Variants in CSMD2 observed in about 807,000 individuals in gnomAD.
The protein encoded by CSMD2 is CUB and Sushi multiple domains 2.
A neutral mutation model predicts 398.5 loss-of-function variants in CSMD2; 130 were observed. That is an observed-to-expected ratio of 0.33 (90% CI 0.28 to 0.38). The LOEUF (loss-of-function observed/expected upper bound fraction) is 0.38, where lower values mean the gene tolerates loss of function less well. Ranked by LOEUF, CSMD2 falls within the 10% of genes least tolerant of loss-of-function variation. The pLI, the probability that CSMD2 is intolerant of heterozygous loss-of-function variation, is 1.00. For missense variants in CSMD2, 3,829 were observed against 4,764.9 expected (o/e 0.80, Z 5.78); for synonymous variants, 1,828 against 1,908.5 (o/e 0.96, Z 1.10).
intron 9 of CSMD2, among the ~76,000 whole-genome samples, chr1:33,818,582 C>A (rs902053233): frequency 6.6e-6 from 1 of 152,106 alleles, no homozygotes; most frequent in South Asian, 2.1e-4. Flanking sequence ...GACAAGAATT[C>A]TTTTTTGTTG....
chr1:33,880,395 G>T (rs898402235), intron 5 of CSMD2, among the ~76,000 whole-genome samples: 1 of 152,160 alleles, frequency 6.6e-6, no homozygotes, highest in African/African-American at 2.4e-5. Context: ...TATCTGAATG[G>T]ATACATTTCC....
chr1:33,617,351 A>T, intron 38 of CSMD2, 148 bp downstream of exon 38: 1 of 632,062 alleles, frequency 1.6e-6, no homozygotes. Flanking sequence ...TATCTTTTGC[A>T]TGAACAGCTC....
chr1:33,589,508 A>C (rs766886070), intron 44 of CSMD2, among the ~76,000 whole-genome samples: 1 of 152,250 alleles, frequency 6.6e-6, no homozygotes, highest in Non-Finnish European at 1.5e-5. Context: ...TTGGCATTTG[A>C]TAACTAATTA....
intron 3 of CSMD2, among the ~76,000 whole-genome samples, chr1:33,952,498 C>T (rs1645037177): frequency 6.6e-6 from 1 of 152,150 alleles, no homozygotes. Context: ...GAGAAGCCTA[C>T]CCTGACATTT....
chr1:33,709,370 T>G, intron 21 of CSMD2, 112 bp from the exon 22 acceptor site: 1 of 855,714 alleles, frequency 1.2e-6, no homozygotes, highest in Middle Eastern at 3.6e-4. Flanking sequence ...CCTGTCTACC[T>G]GCCAAGGTGC....
intron 21 of CSMD2, chr1:33,709,564 G>C: frequency 2.2e-6 from 1 of 457,282 alleles, no homozygotes; most frequent in Non-Finnish European, 3.8e-6. Flanking sequence ...GTGCTATAAA[G>C]CAGCCGTGCC....
At chr1:33,555,619 A>T (rs1657885268) in intron 55 of CSMD2, among the ~76,000 whole-genome samples, 4 of 152,226 alleles carry the variant, frequency 2.6e-5, no homozygotes, top group Admixed American at 2.6e-4. Flanking sequence ...AAATTGCCAC[A>T]GCCACACCAG....
intron 2 of CSMD2, among the ~76,000 whole-genome samples, chr1:34,039,200 T>A (rs549686071): frequency 6.6e-6 from 1 of 152,188 alleles, no homozygotes; most frequent in Admixed American, 6.5e-5. Context: ...CTCCCACCCC[T>A]GTGGAGGTCA....
At chr1:33,697,410 G>A (rs571577836) in intron 24 of CSMD2, among the ~76,000 whole-genome samples, 6 of 152,302 alleles carry the variant, frequency 3.9e-5, no homozygotes, top group Non-Finnish European at 7.3e-5. Flanking sequence ...GGCAAAGGGA[G>A]AGGAAGACCC....
At chr1:34,066,757 G>C (rs551689442) in intron 2 of CSMD2, among the ~76,000 whole-genome samples, 1 of 152,132 alleles carries the variant, frequency 6.6e-6, no homozygotes, top group African/African-American at 2.4e-5. Context: ...GCATCTGAGT[G>C]TCCTGGTCCT....
intron 15 of CSMD2, among the ~76,000 whole-genome samples, chr1:33,733,747 T>C (rs1646794792): frequency 6.6e-6 from 1 of 152,198 alleles, no homozygotes; most frequent in Admixed American, 6.5e-5. Context: ...GTGAAGAAGG[T>C]GCCTGCTTCT....
rs1457406031 is a variant in CSMD2, at chr1:33,707,693, GCGCACACACACACACACACA to G, written c.3576+1376_3576+1395del. Among the ~76,000 whole-genome samples the G allele has an allele frequency of 8.3e-3, 390 of 46,952 alleles. 5 individuals are homozygous for G. Among genetic ancestry groups the G allele is most frequent in the South Asian group, 0.029 (45 of 1,546 alleles). The allele number at this position is 46,952 out of a possible 152,430, so 30.8% of individuals were successfully genotyped here. ...CACGCACGCGTGCACACGCGCGCGC[GCGCACACACACACACACACA>G]CACACACACACACACACACACACAC... is the stretch of plus-strand genomic sequence containing the variant. On this transcript the variant is annotated intron_variant, in intron 22 of 70. Coordinates refer to ENST00000373381, the MANE Select transcript of CSMD2 (RefSeq NM_001281956.2).
intron 4 of CSMD2, among the ~76,000 whole-genome samples, chr1:33,923,954 G>T (rs1325472865): frequency 1.3e-5 from 2 of 152,082 alleles, no homozygotes; most frequent in Non-Finnish European, 2.9e-5. Context: ...GGGGACCACT[G>T]ACCTAACTGT....
At chr1:33,826,122 T>C (rs1363010447) in intron 6 of CSMD2, among the ~76,000 whole-genome samples, 1 of 152,188 alleles carries the variant, frequency 6.6e-6, no homozygotes, top group Admixed American at 6.5e-5. Context: ...TTCATGAGCG[T>C]CGACGTGTGC....
intron 3 of CSMD2, among the ~76,000 whole-genome samples, chr1:34,009,840 T>C (rs1196194908): frequency 2.0e-5 from 3 of 152,160 alleles, no homozygotes; most frequent in Non-Finnish European, 2.9e-5. Flanking sequence ...GACTCAACCC[T>C]AGTCTCTCCC....
intron 10 of CSMD2, among the ~76,000 whole-genome samples, chr1:33,808,674 TG>T (rs1219640423): frequency 6.6e-6 from 1 of 151,688 alleles, no homozygotes; most frequent in Non-Finnish European, 1.5e-5. Flanking sequence ...AAAATTAAGA[TG>T]CTAGAAAAAG....
chr1:33,865,859 G>T (rs1456499619), intron 5 of CSMD2, among the ~76,000 whole-genome samples: 1 of 152,160 alleles, frequency 6.6e-6, no homozygotes, highest in Non-Finnish European at 1.5e-5. Context: ...GTAAGTGTCT[G>T]TCTGGTAACT....
At chr1:33,620,774 C>A (rs896127708) in intron 37 of CSMD2, among the ~76,000 whole-genome samples, 1 of 151,092 alleles carries the variant, frequency 6.6e-6, no homozygotes, top group African/African-American at 2.4e-5. Flanking sequence ...CTACCCTTTA[C>A]CCTGCAGGGT....
chr1:33,611,655 T>C (rs2148839508), intron 40 of CSMD2, among the ~76,000 whole-genome samples: 1 of 152,350 alleles, frequency 6.6e-6, no homozygotes. Flanking sequence ...AGACCTTCAA[T>C]ACTGCTGTTT....
Sources: allele counts gnomAD v4.1 joint callset (sites outside exome capture counted in the v4.1 genomes callset), GRCh38; gene constraint gnomAD v4.1.1; transcripts MANE v1.5; gene names NCBI Gene and HGNC (gene_info 2026-07-23, HGNC 2026-07-21).